MEI4: variants seen among roughly 807,000 people sequenced by gnomAD.
The protein encoded by MEI4 is meiosis-specific protein MEI4.
In MEI4, 27 loss-of-function variants were observed where a neutral mutation model predicts 31.4. The ratio of observed to expected loss-of-function variants is 0.86; its 90% CI spans 0.63 to 1.19. The LOEUF is 1.19. MEI4 is among the 50% of genes most tolerant of loss of function. The pLI, the probability that MEI4 is intolerant of heterozygous loss-of-function variation, is 0.00. For synonymous variants in MEI4, 122 were observed against 145.4 expected (o/e 0.84, Z 1.16); for missense variants, 329 against 398.9 (o/e 0.82, Z 1.49).
At chr6:77,683,923 G>C (rs909633119) in intron 1 of MEI4, among the ~76,000 whole-genome samples, 7 of 152,086 alleles carry the variant, frequency 4.6e-5, no homozygotes, top group African/African-American at 1.7e-4. Flanking sequence ...TGAATCATAT[G>C]GTAGTTGTAT....
intron 4 of MEI4, among the ~76,000 whole-genome samples, chr6:77,876,322 A>ATTCC (rs1281681263): frequency 6.6e-6 from 1 of 152,210 alleles, no homozygotes; most frequent in Non-Finnish European, 1.5e-5. Context: ...GAATGGATTC[A>ATTCC]TGCTGTTATG....
chr6:77,686,399 C>A (rs933031855), intron 1 of MEI4, among the ~76,000 whole-genome samples: 12 of 151,826 alleles, frequency 7.9e-5, no homozygotes, highest in African/African-American at 2.7e-4. Context: ...TTCTCTTTTT[C>A]TTTTGTTCCT....
chr6:77,756,608 CCTCCCTCTCTCT>C (rs947815778), intron 2 of MEI4, among the ~76,000 whole-genome samples: 4 of 147,620 alleles, frequency 2.7e-5, no homozygotes, highest in East Asian at 2.0e-4. Flanking sequence ...TCTCTCCCTC[CCTCCCTCTCTCT>C]CTCCCTCTCT....
At chr6:77,920,699 A>T (rs1290245908) in intron 4 of MEI4, among the ~76,000 whole-genome samples, 1 of 151,948 alleles carries the variant, frequency 6.6e-6, no homozygotes, top group Non-Finnish European at 1.5e-5. Context: ...AAGACTTATA[A>T]ACAAAAATTA....
intron 4 of MEI4, among the ~76,000 whole-genome samples, chr6:77,849,114 AG>A (rs1770554844): frequency 6.6e-6 from 1 of 152,222 alleles, no homozygotes; most frequent in Admixed American, 6.6e-5. Flanking sequence ...AAATCAGGAA[AG>A]AGTTATTTCT....
At chr6:77,881,012 T>C (rs1771476654) in intron 4 of MEI4, among the ~76,000 whole-genome samples, 1 of 152,116 alleles carries the variant, frequency 6.6e-6, no homozygotes, top group Non-Finnish European at 1.5e-5. Context: ...TCTTTATTGA[T>C]GTCAGTAAAC....
intron 2 of MEI4, among the ~76,000 whole-genome samples, chr6:77,699,060 C>T (rs565291816): frequency 3.9e-5 from 6 of 152,100 alleles, no homozygotes; most frequent in South Asian, 2.1e-4. Context: ...TTGATCGCAT[C>T]GGCTCCTGAG....
intron 3 of MEI4, among the ~76,000 whole-genome samples, chr6:77,765,059 G>A (rs1010742811): frequency 1.3e-5 from 2 of 152,124 alleles, no homozygotes; most frequent in Admixed American, 6.5e-5. Flanking sequence ...TCAATAGCTC[G>A]AATTAGAATT....
At chr6:77,778,831 A>C (rs1768524917) in intron 3 of MEI4, among the ~76,000 whole-genome samples, 1 of 152,152 alleles carries the variant, frequency 6.6e-6, no homozygotes, top group Non-Finnish European at 1.5e-5. Context: ...GTTTCTGATC[A>C]TTAACAACTG....
chr6:77,724,883 G>A (rs4125589), intron 2 of MEI4, among the ~76,000 whole-genome samples: 3 of 146,480 alleles, frequency 2.0e-5, no homozygotes, highest in South Asian at 2.1e-4. Context: ...GTAAACTTTC[G>A]GTTTCTTTCT....
chr6:77,920,164 T>C (rs1439453205), intron 4 of MEI4, among the ~76,000 whole-genome samples: 2 of 151,204 alleles, frequency 1.3e-5, no homozygotes, highest in Non-Finnish European at 1.5e-5. Flanking sequence ...CCAGCATCAT[T>C]CTGATACCAA....
At position 77,915,549 on chromosome 6, in the gene MEI4, C is replaced by A. The variant is rs565462916; in HGVS notation, c.901-7540C>A. On this transcript the variant is annotated intron_variant, in intron 4 of 4. Transcript: ENST00000684080. ...AAAGTGACCATGGGCTTTTCTCTTG[C>A]TATTGCTCTCTTTGCCTTTGACTTT... Among the ~76,000 whole-genome samples, 13 of 152,020 alleles carry A rather than the reference C, an allele frequency of 8.6e-5. No individual in the cohort carries two copies. The South Asian group carries it at 2.7e-3, about 32-fold the overall frequency.
chr6:77,854,432 T>C (rs1770700433), intron 4 of MEI4, among the ~76,000 whole-genome samples: 1 of 57,668 alleles, frequency 1.7e-5, no homozygotes, highest in African/African-American at 1.3e-4. Flanking sequence ...ATAGATGCCT[T>C]TTTTTTTTTT....
chr6:77,870,325 T>C (rs1771160886), intron 4 of MEI4, among the ~76,000 whole-genome samples: 1 of 152,162 alleles, frequency 6.6e-6, no homozygotes, highest in South Asian at 2.1e-4. Context: ...CCAGATATTT[T>C]ACTAAACTGT....
intron 2 of MEI4, among the ~76,000 whole-genome samples, chr6:77,694,216 T>G (rs193028134): frequency 6.3e-4 from 96 of 152,004 alleles, no homozygotes; most frequent in African/African-American, 1.6e-3. Flanking sequence ...TGTAACTGGG[T>G]GCCTGGGCAG....
intron 4 of MEI4, among the ~76,000 whole-genome samples, chr6:77,869,192 AT>A (rs1250255083): frequency 3.3e-5 from 5 of 152,134 alleles, no homozygotes; most frequent in Admixed American, 6.6e-5. Context: ...CATATAAATT[AT>A]GTCAAATAAT....
rs527917461 is a variant in MEI4, at chr6:77,696,943, A to C, written c.232+6040A>C. 5.8e-3 allele frequency among the ~76,000 whole-genome samples: 878 copies of C among 152,166 alleles called. 10 individuals carry two copies. Among genetic ancestry groups the C allele is most frequent in the South Asian group, 0.028 (135 of 4,806 alleles). On this transcript the variant is annotated intron_variant, in intron 2 of 4. Transcript: ENST00000684080. Reference sequence around the variant, plus strand: ...CTATTGATTATTGCCACAATTTCAGAGCCTGTTATTGGTCTATTGAGAGAT... The same window carrying C: ...CTATTGATTATTGCCACAATTTCAGCGCCTGTTATTGGTCTATTGAGAGAT...
chr6:77,705,874 T>A (rs1766320006), intron 2 of MEI4, among the ~76,000 whole-genome samples: 1 of 152,142 alleles, frequency 6.6e-6, no homozygotes, highest in African/African-American at 2.4e-5. Flanking sequence ...TGTTGAGAGA[T>A]GTGTGTGCTG....
rs368348339 is a variant in MEI4, at chr6:77,682,271, T to A, written c.-14-8387T>A. Among the ~76,000 whole-genome samples, 26 of 152,342 alleles carry A rather than the reference T, an allele frequency of 1.7e-4. 1 individual carries two copies. In the East Asian group the frequency reaches 4.8e-3, roughly 28 times the overall value. The stretch of plus-strand genomic sequence containing the variant: ...GAGTGTTTAGCCAGTGTCCTTCAGT[T>A]TCTTGCTTTCTTGGCAAGTATTTAG... On this transcript the variant is annotated intron_variant, in intron 1 of 4. Transcript: ENST00000684080.
Sources: allele counts gnomAD v4.1 joint callset (sites outside exome capture counted in the v4.1 genomes callset), GRCh38; gene constraint gnomAD v4.1.1; transcripts MANE v1.5; gene names NCBI Gene and HGNC (gene_info 2026-07-23, HGNC 2026-07-21).